ADAT1: variants seen among roughly 807,000 people sequenced by gnomAD.
ADAT1 encodes tRNA-specific adenosine deaminase 1.
In ADAT1, 58 loss-of-function variants were observed where a neutral mutation model predicts 58.6. The observed-to-expected ratio is 0.99, with a 90% CI of 0.80 to 1.23. The LOEUF is 1.23. ADAT1 is among the 50% of genes most tolerant of loss of function. ADAT1 has a pLI of 0.00. For synonymous variants in ADAT1, 254 were observed against 220.8 expected, an observed-to-expected ratio of 1.15 and a Z score of -1.33; for missense variants, 741 against 608.6, an observed-to-expected ratio of 1.22 and a Z score of -2.29.
Position 75,612,855 on chromosome 16 carries a change from T to C in ADAT1, c.431A>G (p.Asp144Gly), listed in dbSNP as rs768965720. ...VFFSSHTPCG[D>G]ASIIPMLEFE... ...CTCAAGCATCGGAATGATGGAGGCATCCCCACCTGCAGAGAATGAACCCAC... is the reference window on the plus strand; with the variant it reads ...CTCAAGCATCGGAATGATGGAGGCACCCCCACCTGCAGAGAATGAACCCAC... The change falls in exon 6 of 10, where the codon GAT (aspartate) becomes GGT (glycine). Residue 144 changes from aspartate to glycine, a missense_variant. Asp to Gly is a moderately conservative substitution (Grantham distance 94). Transcript: ENST00000564657. 6.2e-6 allele frequency: 10 copies of C among 1,613,142 alleles called. No individual in the cohort carries two copies. Among genetic ancestry groups the C allele is most frequent in the Non-Finnish European group, 7.6e-6 (9 of 1,179,700 alleles).
rs773412861 is a variant in ADAT1, at chr16:75,598,986, A to G, written c.*1230T>C. ...GCTTCCATTTTCAGTCAATCATTCA[A>G]GGTCTGAAGTTGAGTGTTAAACATT... On this transcript the variant is annotated 3_prime_UTR_variant, in exon 10 of 10. Coordinates refer to ENST00000564657, the MANE Select transcript of ADAT1 (RefSeq NM_001324445.2). 28 of 984,904 alleles carry G rather than the reference A, an allele frequency of 2.8e-5. No homozygotes were observed. Among genetic ancestry groups the G allele is most frequent in the Non-Finnish European group, 3.3e-5 (27 of 829,910 alleles). The allele number at this position is 984,904 out of a possible 1,614,324, so 61.0% of individuals were successfully genotyped here.
intron 8 of ADAT1, among the ~76,000 whole-genome samples, chr16:75,607,475 C>G (rs1252606226): frequency 1.3e-5 from 2 of 150,180 alleles, no homozygotes; most frequent in Non-Finnish European, 2.9e-5. Context: ...GAACTCCAGC[C>G]CAGGTGACAG....
chr16:75,612,483 G>C lies in ADAT1; in HGVS notation c.803C>G (p.Ala268Gly). 3.1e-6 allele frequency: 5 copies of C among 1,614,162 alleles called. No homozygotes were observed. Among genetic ancestry groups the C allele is most frequent in the Non-Finnish European group, 8.5e-7 (1 of 1,180,028 alleles). ...RTGAKCVPGEAGDSGKPGAAF... is the reference protein window; with the variant it reads ...RTGAKCVPGEGGDSGKPGAAF... ...AGCACCCGGCTTTCCGGAGTCTCCA[G>C]CTTCTCCAGGTACACACTTGGCTCC... Residue 268 changes from alanine (A) to glycine (G), a missense_variant, in exon 6 of 10, where the codon GCT (alanine) becomes GGT (glycine). Ala to Gly is a moderately conservative substitution (Grantham distance 60). Transcript: ENST00000564657.
At chr16:75,613,503 T>C (rs2081613548) in intron 5 of ADAT1, among the ~76,000 whole-genome samples, 1 of 152,160 alleles carries the variant, frequency 6.6e-6, no homozygotes, top group African/African-American at 2.4e-5. Flanking sequence ...GGTTTCACCA[T>C]GTTGGCCAGG....
chr16:75,607,196 G>A (rs569181294), intron 8 of ADAT1, among the ~76,000 whole-genome samples: 2 of 152,198 alleles, frequency 1.3e-5, no homozygotes, highest in Admixed American at 1.3e-4. Flanking sequence ...TTAGGGAAAT[G>A]TAAATGCAAA....
chr16:75,613,999 G>A (rs1324611385), intron 5 of ADAT1, among the ~76,000 whole-genome samples: 7 of 152,062 alleles, frequency 4.6e-5, no homozygotes, highest in Non-Finnish European at 1.0e-4. Flanking sequence ...AGACCAGCCT[G>A]GCCAATATGG....
At chr16:75,618,770 G>C (rs1228026420) in intron 3 of ADAT1, 130 bp from the exon 4 acceptor site, 1 of 1,024,142 alleles carries the variant, frequency 9.8e-7, no homozygotes, top group Non-Finnish European at 1.4e-6. Context: ...TTTGCCAGAA[G>C]GTACCACAAT....
intron 1 of ADAT1, among the ~76,000 whole-genome samples, chr16:75,621,950 C>T (rs2081942962): frequency 6.6e-6 from 1 of 152,192 alleles, no homozygotes; most frequent in South Asian, 2.1e-4. Context: ...GAGTTCGAGG[C>T]CAGCCTGGCC....
chr16:75,613,465 C>T (rs2081612527), intron 5 of ADAT1, among the ~76,000 whole-genome samples: 1 of 152,110 alleles, frequency 6.6e-6, no homozygotes, highest in African/African-American at 2.4e-5. Context: ...CCACGACTGG[C>T]TAATGTTTGT....
At chr16:75,608,736 C>T in intron 7 of ADAT1, 107 bp downstream of exon 7, 2 of 1,385,586 alleles carry the variant, frequency 1.4e-6, no homozygotes, top group South Asian at 1.4e-5. Flanking sequence ...CTACCGGCCA[C>T]TAGAGTGGTG....
At chr16:75,603,449 G>C (rs950736067) in intron 8 of ADAT1, among the ~76,000 whole-genome samples, 1 of 152,208 alleles carries the variant, frequency 6.6e-6, no homozygotes, top group African/African-American at 2.4e-5. Context: ...TTTGCCCCAG[G>C]ATATCTGTAA....
At chr16:75,611,823 C>T (rs925952723) in intron 6 of ADAT1, among the ~76,000 whole-genome samples, 19 of 152,066 alleles carry the variant, frequency 1.2e-4, no homozygotes, top group Middle Eastern at 6.8e-3. Flanking sequence ...TTTGGGAGAC[C>T]GAGGTGGGTG....
At chr16:75,614,186 T>C (rs1597125539) in intron 5 of ADAT1, among the ~76,000 whole-genome samples, 1 of 151,744 alleles carries the variant, frequency 6.6e-6, no homozygotes. Context: ...GGAGATTCCA[T>C]CTCAAAAAAA....
intron 1 of ADAT1, among the ~76,000 whole-genome samples, chr16:75,621,303 C>T (rs890670771): frequency 3.6e-5 from 5 of 137,916 alleles, no homozygotes; most frequent in Non-Finnish European, 7.6e-5. Context: ...GTTTCTCTAC[C>T]GCCCTCTAGT....
At chr16:75,613,592 T>C (rs922009119) in intron 5 of ADAT1, among the ~76,000 whole-genome samples, 5 of 152,146 alleles carry the variant, frequency 3.3e-5, no homozygotes, top group African/African-American at 4.8e-5. Flanking sequence ...ATTACAGGTG[T>C]GAGCCAGCGT....
rs771606319 is a variant in ADAT1 at position 75,599,659 on chromosome 16, C to T, written c.*557G>A. On this transcript the variant is annotated 3_prime_UTR_variant, in exon 10 of 10. Coordinates refer to ENST00000564657, the MANE Select transcript of ADAT1 (RefSeq NM_001324445.2). ...AAGCCTTTCCTGATACCTCTGAGAA[C>T]AAGTCCAGGGCAGTCCAGGGCTGGC... is the stretch of plus-strand genomic sequence containing the variant. 4.3e-5 allele frequency: 42 copies of T among 985,876 alleles called. No homozygotes were observed. The highest frequency in any genetic ancestry group is 5.1e-5 in the Non-Finnish European group (42 of 830,092). The allele number at this position is 985,876 out of a possible 1,614,324, so 61.1% of individuals were successfully genotyped here. A position where few individuals can be genotyped will look rare whatever the true frequency, so the allele number is the denominator to read the frequency against.
chr16:75,599,159 A>C lies in ADAT1; in HGVS notation c.*1057T>G. ...TGCAGCGGTACGATCTTTGCTCACC[A>C]CTACCTCCGCCTCCTGGGTTCAAGC... On this transcript the variant is annotated 3_prime_UTR_variant, in exon 10 of 10. Coordinates refer to ENST00000564657, the MANE Select transcript of ADAT1 (RefSeq NM_001324445.2). 1.1e-6 allele frequency: 1 copy of C among 944,620 alleles called. No individual in the cohort carries two copies. Among genetic ancestry groups the C allele is most frequent in the Non-Finnish European group, 1.2e-6 (1 of 808,938 alleles). The allele number at this position is 944,620 out of a possible 1,614,324, so 58.5% of individuals were successfully genotyped here. A position where few individuals can be genotyped will look rare whatever the true frequency, so the allele number is the denominator to read the frequency against.
rs2081423792 is a variant in ADAT1 at position 75,608,275 on chromosome 16, T to C, written c.1238A>G (p.Asn413Ser). The change falls in exon 8 of 10, where the codon AAT becomes AGT. Residue 413 changes from asparagine to serine, a missense_variant. Coordinates refer to ENST00000564657, the MANE Select transcript of ADAT1 (RefSeq NM_001324445.2). Reference protein sequence around the residue: ...VPEQPLDVTANGFPQGTTKKT... With the variant: ...VPEQPLDVTASGFPQGTTKKT... ...CTTTGTTGTTCCCTGTGGAAAGCCA[T>C]TGGCAGTAACATCCAAAGGCTGCTC... The C allele has an allele frequency of 1.2e-6, 2 of 1,614,132 alleles. No individual in the cohort carries two copies. Among genetic ancestry groups the C allele is most frequent in the South Asian group, 1.1e-5 (1 of 91,080 alleles).
chr16:75,619,893 C>CA (rs750598792), intron 3 of ADAT1: 18,084 of 97,176 alleles, frequency 0.19, 2,198 homozygotes, highest in East Asian at 0.56. Flanking sequence ...GACTCCGAGT[C>CA]AAAAAAAAAA....
Sources: gnomAD v4.1 joint callset for allele counts (sites outside exome capture counted in the v4.1 genomes callset) on GRCh38, gnomAD v4.1.1 for gene constraint, MANE v1.5 for transcripts, NCBI Gene and HGNC (gene_info 2026-07-23, HGNC 2026-07-21) for gene names.